CYTH1: variants seen among roughly 807,000 people sequenced by gnomAD.
CYTH1 encodes cytohesin 1.
A neutral mutation model predicts 61.8 loss-of-function variants in CYTH1; 18 were observed. The observed-to-expected ratio is 0.29, with a 90% confidence interval of 0.20 to 0.43. CYTH1 has a LOEUF of 0.43. Among genes scored for constraint, CYTH1 ranks in the 20% least tolerant of loss-of-function variants. The pLI, the probability that CYTH1 is intolerant of heterozygous loss-of-function variation, is 1.00. For synonymous variants in CYTH1, 174 were observed against 184.3 expected, an observed-to-expected ratio of 0.94 and a Z score of 0.45; for missense variants, 336 against 510.5, an observed-to-expected ratio of 0.66 and a Z score of 3.29.
intron 1 of CYTH1, 127 bp from the exon 2 acceptor site, chr17:78,709,859 G>T: frequency 1.3e-6 from 1 of 751,886 alleles, no homozygotes; most frequent in Non-Finnish European, 2.2e-6. Flanking sequence ...AAATGACTGA[G>T]TGATAGAAAT....
chr17:78,718,964 G>A (rs1435998734), intron 1 of CYTH1, among the ~76,000 whole-genome samples: 1 of 152,238 alleles, frequency 6.6e-6, no homozygotes, highest in South Asian at 2.1e-4. Flanking sequence ...GGAAGGCAGC[G>A]GGGGTACAAC....
intron 1 of CYTH1, among the ~76,000 whole-genome samples, chr17:78,761,466 C>T (rs557315246): frequency 8.6e-4 from 131 of 152,262 alleles, no homozygotes; most frequent in African/African-American, 2.6e-3. Context: ...GGGCCAGGCG[C>T]GGTGGCTCAC....
chr17:78,688,189 G>A lies in CYTH1; in HGVS notation c.891+4228C>T, dbSNP rs984538951. Among the ~76,000 whole-genome samples, 10 of 152,270 alleles carry A rather than the reference G, an allele frequency of 6.6e-5. No homozygotes were observed. In the East Asian group the frequency reaches 1.9e-3, roughly 29 times the overall value. ...TGAAACCAGAAAGCTGTCCAGTCAC[G>A]GCAGCCGCTCCATCCATGCATATAA... On this transcript the variant is annotated intron_variant, in intron 11 of 13. Coordinates refer to ENST00000446868, the MANE Select transcript of CYTH1 (RefSeq NM_004762.6).
chr17:78,781,723 C>G (rs2093518816), intron 1 of CYTH1, among the ~76,000 whole-genome samples: 1 of 151,864 alleles, frequency 6.6e-6, no homozygotes. Flanking sequence ...GCCCGGCCAT[C>G]CGCGCGTCCG....
chr17:78,772,493 T>TA (rs1236815964), intron 1 of CYTH1, among the ~76,000 whole-genome samples: 3 of 152,190 alleles, frequency 2.0e-5, no homozygotes, highest in Non-Finnish European at 4.4e-5. Context: ...AAGGAGCAGG[T>TA]ATGAGCCATA....
At chr17:78,730,955 C>T (rs138613216) in intron 1 of CYTH1, among the ~76,000 whole-genome samples, 6 of 152,172 alleles carry the variant, frequency 3.9e-5, no homozygotes, top group Non-Finnish European at 7.4e-5. Flanking sequence ...TGAGCCACCG[C>T]GCTCGGCACG....
chr17:78,706,985 A>T (rs2093073574), intron 3 of CYTH1, among the ~76,000 whole-genome samples: 1 of 152,150 alleles, frequency 6.6e-6, no homozygotes, highest in Non-Finnish European at 1.5e-5. Context: ...TTGCCTGTTC[A>T]TTTCTTTTAA....
At chr17:78,766,827 G>T (rs547856481) in intron 1 of CYTH1, among the ~76,000 whole-genome samples, 109 of 152,218 alleles carry the variant, frequency 7.2e-4, no homozygotes, top group Non-Finnish European at 1.3e-3. Flanking sequence ...TGAAGAGGGG[G>T]GTGTGAATGA....
intron 11 of CYTH1, among the ~76,000 whole-genome samples, chr17:78,687,737 GAC>G (rs1040629986): frequency 6.6e-6 from 1 of 152,204 alleles, no homozygotes; most frequent in Non-Finnish European, 1.5e-5. Context: ...TGCCGACTGG[GAC>G]ACACTTGTCA....
At chr17:78,752,890 C>T (rs1431890838) in intron 1 of CYTH1, among the ~76,000 whole-genome samples, 3 of 152,142 alleles carry the variant, frequency 2.0e-5, no homozygotes, top group East Asian at 1.9e-4. Flanking sequence ...AGTACTATAA[C>T]GCATGAATTT....
At chr17:78,761,341 T>G (rs753116771) in intron 1 of CYTH1, among the ~76,000 whole-genome samples, 3 of 152,214 alleles carry the variant, frequency 2.0e-5, no homozygotes, top group Non-Finnish European at 2.9e-5. Context: ...TGGGGTGATG[T>G]GTAACCTATT....
At chr17:78,684,500 C>T (rs2092796491) in intron 11 of CYTH1, among the ~76,000 whole-genome samples, 2 of 152,190 alleles carry the variant, frequency 1.3e-5, no homozygotes, top group Admixed American at 1.3e-4. Context: ...GGGAAATAAC[C>T]GAGGCCAACG....
intron 1 of CYTH1, among the ~76,000 whole-genome samples, chr17:78,732,002 T>C (rs1435919893): frequency 6.6e-6 from 1 of 152,174 alleles, no homozygotes; most frequent in Non-Finnish European, 1.5e-5. Context: ...ACACACAGGT[T>C]CCTGCGAACC....
At chr17:78,730,556 C>T (rs751867413) in intron 1 of CYTH1, among the ~76,000 whole-genome samples, 6 of 151,640 alleles carry the variant, frequency 4.0e-5, no homozygotes, top group Admixed American at 6.6e-5. Context: ...ACAACAGTCA[C>T]TGACTCAAAA....
intron 13 of CYTH1, among the ~76,000 whole-genome samples, chr17:78,678,867 C>T (rs534094952): frequency 6.6e-5 from 10 of 152,218 alleles, no homozygotes; most frequent in Non-Finnish European, 1.3e-4. Context: ...ACCCACCTAC[C>T]AGGCACTGCG....
chr17:78,737,595 T>C (rs2093325697), intron 1 of CYTH1, among the ~76,000 whole-genome samples: 2 of 146,842 alleles, frequency 1.4e-5, no homozygotes. Flanking sequence ...AAAGCAGATA[T>C]TAGAGGCAAA....
At chr17:78,706,277 C>T (rs2093064703) in intron 3 of CYTH1, among the ~76,000 whole-genome samples, 2 of 152,088 alleles carry the variant, frequency 1.3e-5, no homozygotes, top group South Asian at 2.1e-4. Context: ...CCCTATGGCC[C>T]TTCCTAGTCA....
chr17:78,689,679 C>T (rs1010354414), intron 11 of CYTH1, among the ~76,000 whole-genome samples: 3 of 152,224 alleles, frequency 2.0e-5, no homozygotes, highest in African/African-American at 7.2e-5. Flanking sequence ...GGATATCATG[C>T]TCATGGGAGA....
intron 11 of CYTH1, among the ~76,000 whole-genome samples, chr17:78,688,249 T>G (rs932887613): frequency 6.6e-6 from 1 of 152,202 alleles, no homozygotes; most frequent in Admixed American, 6.5e-5. Context: ...TTCCCTGATA[T>G]GTAATAATTC....
Sources: allele counts gnomAD v4.1 joint callset (sites outside exome capture counted in the v4.1 genomes callset), GRCh38; gene constraint gnomAD v4.1.1; transcripts MANE v1.5; gene names NCBI Gene and HGNC (gene_info 2026-07-23, HGNC 2026-07-21).